MYOF: variants seen among roughly 807,000 people sequenced by gnomAD.
The protein encoded by MYOF is fer-1-like 3, myoferlin.
In MYOF, 244 loss-of-function variants were observed where a neutral mutation model predicts 284.2. That is an observed-to-expected ratio of 0.86 (90% CI 0.77 to 0.95). MYOF has a LOEUF of 0.95. Ranked by LOEUF, MYOF falls within the 40% of genes least tolerant of loss-of-function variation. The probability of loss-of-function intolerance (pLI) is 0.00; values close to 1 mark genes in which losing one functional copy is unlikely to be tolerated. For missense variants in MYOF, 2,496 were observed against 2,560.6 expected (o/e 0.97, Z 0.54); for synonymous variants, 904 against 919.7 (o/e 0.98, Z 0.31).
chr10:93,306,831 ATGGGGC>A lies in MYOF; in HGVS notation c.*126_*131del, dbSNP rs1842121125. On this transcript the variant is annotated 3_prime_UTR_variant, in exon 54 of 54. Transcript: ENST00000359263. ...CAGGACTAAGACCCTCTGGGAATCA[ATGGGGC>A]TCGGTGACATGGCGTAACCTGCTAC... The A allele has an allele frequency of 1.1e-6, 1 of 924,680 alleles. No individual in the cohort carries two copies. The highest frequency in any genetic ancestry group is 1.7e-6 in the Non-Finnish European group (1 of 587,846). 57.3% of individuals were successfully genotyped at this position (924,680 alleles called of 1,614,324 possible). A position where few individuals can be genotyped will look rare whatever the true frequency, so the allele number is the denominator to read the frequency against.
chr10:93,460,289 C>G (rs1323715267), intron 1 of MYOF, among the ~76,000 whole-genome samples: 1 of 152,208 alleles, frequency 6.6e-6, no homozygotes, highest in African/African-American at 2.4e-5. Flanking sequence ...ACCTTGAGGC[C>G]AAGCCTGGGA....
intron 7 of MYOF, among the ~76,000 whole-genome samples, chr10:93,406,295 T>C (rs1313983389): frequency 2.3e-5 from 2 of 88,348 alleles, no homozygotes; most frequent in Admixed American, 1.3e-4. Flanking sequence ...CTTTTATATA[T>C]ATATATATAT....
At chr10:93,338,147 C>T (rs550919889) in intron 39 of MYOF, among the ~76,000 whole-genome samples, 1 of 151,032 alleles carries the variant, frequency 6.6e-6, no homozygotes, top group South Asian at 2.1e-4. Flanking sequence ...GCTTTAATGC[C>T]CACAATCATA....
At chr10:93,425,913 C>T in intron 5 of MYOF, 158 bp downstream of exon 5, 1 of 664,648 alleles carries the variant, frequency 1.5e-6, no homozygotes, top group Middle Eastern at 4.1e-4. Context: ...TTGCAATGTC[C>T]CAATTCAGGC....
At position 93,361,430 on chromosome 10, in the gene MYOF, G is replaced by C. The variant is rs183828259; in HGVS notation, c.2974+22C>G. The C allele has an allele frequency of 1.7e-5, 28 of 1,610,196 alleles. No individual in the cohort carries two copies. The Admixed American group carries it at 4.2e-4, about 24-fold the overall frequency. On this transcript the variant is annotated intron_variant, in intron 28 of 53. Transcript: ENST00000359263. Reference sequence around the variant, plus strand: ...AGGCCCTGCTGCAGAGCCCCAATCAGGTCACAGATGTACAATGTTACCTTT... The same window carrying C: ...AGGCCCTGCTGCAGAGCCCCAATCACGTCACAGATGTACAATGTTACCTTT...
At position 93,306,895 on chromosome 10, in the gene MYOF, G is replaced by A; in HGVS notation, c.*68C>T. On this transcript the variant is annotated 3_prime_UTR_variant, in exon 54 of 54. Transcript: ENST00000359263. ...TGGTCTCAGACACAAAATCACACTG[G>A]ATGTTGGTCTACAGAGGCAGGATTC... 1 of 1,499,220 alleles carries A rather than the reference G, an allele frequency of 6.7e-7. No homozygotes were observed. The highest frequency in any genetic ancestry group is 9.3e-7 in the Non-Finnish European group (1 of 1,078,056). 92.9% of individuals were successfully genotyped at this position (1,499,220 alleles called of 1,614,324 possible).
intron 1 of MYOF, among the ~76,000 whole-genome samples, chr10:93,465,265 C>A (rs1021562807): frequency 6.6e-6 from 1 of 152,130 alleles, no homozygotes; most frequent in Non-Finnish European, 1.5e-5. Flanking sequence ...AGGATTAAGA[C>A]AAGAGGGTGA....
intron 19 of MYOF, among the ~76,000 whole-genome samples, chr10:93,386,929 G>GT (rs1846399055): frequency 6.6e-6 from 1 of 152,136 alleles, no homozygotes; most frequent in Non-Finnish European, 1.5e-5. Context: ...TACCACGGGA[G>GT]TTTGGGGGAG....
At chr10:93,418,754 C>T (rs899610594) in intron 5 of MYOF, among the ~76,000 whole-genome samples, 23 of 152,300 alleles carry the variant, frequency 1.5e-4, no homozygotes, top group East Asian at 1.2e-3. Flanking sequence ...TGGAGATGGG[C>T]GCCAGATGAC....
intron 25 of MYOF, among the ~76,000 whole-genome samples, chr10:93,368,877 A>G (rs1181508838): frequency 3.3e-5 from 5 of 152,198 alleles, no homozygotes; most frequent in Non-Finnish European, 7.3e-5. Flanking sequence ...AGTGGTGTTC[A>G]TCTGAAAGTT....
At chr10:93,421,710 T>C (rs1360059618) in intron 5 of MYOF, among the ~76,000 whole-genome samples, 8 of 152,174 alleles carry the variant, frequency 5.3e-5, no homozygotes, top group Admixed American at 5.2e-4. Flanking sequence ...CCCCTTCCCC[T>C]TCCCCCATGA....
chr10:93,419,498 A>G (rs748969452), intron 5 of MYOF, among the ~76,000 whole-genome samples: 3 of 152,076 alleles, frequency 2.0e-5, no homozygotes, highest in Non-Finnish European at 4.4e-5. Context: ...TTTTTAAACC[A>G]TATTCAGTGC....
chr10:93,328,828 G>A lies in MYOF; in HGVS notation c.5066C>T (p.Pro1689Leu), dbSNP rs376576394. 59 of 1,613,576 alleles carry A rather than the reference G, an allele frequency of 3.7e-5. No homozygotes were observed. The highest frequency in any genetic ancestry group is 5.0e-5 in the Non-Finnish European group (59 of 1,179,684). The change falls in exon 45 of 54, where the codon CCC (proline) becomes CTC (leucine). Residue 1689 changes from proline to leucine, a missense_variant. Around this residue, in one of 3 missense-constraint regions of MYOF, gnomAD observed 2,436 missense variants for 2,480.7 expected, o/e 0.98. Transcript: ENST00000359263. ...NVARFKGFPQ[P>L]ILSEDGSRIR... ...TCTACTCCCATCTTCGGAAAGGATG[G>A]GTTGTGGGAAGCCTTTGAATCTGGC...
Position 93,307,089 on chromosome 10 carries a change from C to A in MYOF, c.6148-88G>T, listed in dbSNP as rs535085201. 15 of 1,223,022 alleles carry A rather than the reference C, an allele frequency of 1.2e-5. No homozygotes were observed. The African/African-American group carries it at 2.3e-4, about 18-fold the overall frequency. The allele number at this position is 1,223,022 out of a possible 1,614,324, so 75.8% of individuals were successfully genotyped here. ...TTTCTCAATCTTGAGAAAAAATTGA[C>A]ATTTTGAACCAGATGATTCTTTCTT... On this transcript the variant is annotated intron_variant, in intron 53 of 53. Coordinates refer to ENST00000359263, the MANE Select transcript of MYOF (RefSeq NM_013451.4).
Position 93,335,999 on chromosome 10 carries a change from T to C in MYOF, c.4485A>G (p.Thr1495=), listed in dbSNP as rs1843587574. ...ACAACTTGAACGTATCTGAGAAGTC[T>C]GTCAGGCCCTCAAATTCTGCTACAT... ...LENVAEFEGL[T]DFSDTFKLYR... Residue 1495 remains threonine, a synonymous_variant, in exon 41 of 54, where the codon ACA becomes ACG. Coordinates refer to ENST00000359263, the MANE Select transcript of MYOF (RefSeq NM_013451.4). 6.2e-7 allele frequency: 1 copy of C among 1,614,190 alleles called. No individual in the cohort carries two copies. Among genetic ancestry groups the C allele is most frequent in the African/African-American group, 1.3e-5 (1 of 75,074 alleles).
chr10:93,425,122 T>C (rs754374252), intron 5 of MYOF, among the ~76,000 whole-genome samples: 32 of 151,572 alleles, frequency 2.1e-4, no homozygotes, highest in African/African-American at 7.8e-4. Context: ...TGAATTCTTA[T>C]TAGAGACAAG....
In MYOF at chr10:93,402,226, ACTCAC is replaced by A. The variant is rs770968290; in HGVS notation, c.990+1_990+5del. The A allele has an allele frequency of 5.6e-6, 9 of 1,608,736 alleles. No individual in the cohort carries two copies. In the South Asian group the frequency reaches 9.9e-5, roughly 18 times the overall value. On this transcript the variant is annotated splice_donor_variant and splice_donor_5th_base_variant and intron_variant, in intron 11 of 53. Transcript: ENST00000359263. LOFTEE classifies it high-confidence loss of function. ...AGTGTAGAAAGTAGAGAATGTAGGG[ACTCAC>A]AGGAGGCTCATCTCCGGTTCCCAGG...
At chr10:93,377,012 G>A (rs1360999533) in intron 22 of MYOF, among the ~76,000 whole-genome samples, 1 of 152,180 alleles carries the variant, frequency 6.6e-6, no homozygotes, top group Non-Finnish European at 1.5e-5. Flanking sequence ...TTGGGTTGAT[G>A]AGAAGCAGAG....
intron 22 of MYOF, among the ~76,000 whole-genome samples, chr10:93,375,919 G>T (rs1030841256): frequency 2.0e-5 from 3 of 152,140 alleles, no homozygotes; most frequent in Non-Finnish European, 4.4e-5. Context: ...TCCCACCATG[G>T]CATCTGGTGG....
Sources: gnomAD v4.1 joint callset for allele counts (sites outside exome capture counted in the v4.1 genomes callset) on GRCh38, gnomAD v4.1.1 for gene constraint, gnomAD v4.1.1 regional missense constraint, MANE v1.5 for transcripts, NCBI Gene and HGNC (gene_info 2026-07-23, HGNC 2026-07-21) for gene names.